Variants in ADAMTSL1 observed in about 807,000 individuals in gnomAD.
ADAMTSL1 encodes ADAMTS-like protein 1.
A neutral mutation model predicts 201.8 loss-of-function variants in ADAMTSL1; 126 were observed. That is an observed-to-expected ratio of 0.62 (90% confidence interval 0.54 to 0.72). The LOEUF (loss-of-function observed/expected upper bound fraction) is 0.72. ADAMTSL1 is among the 30% of genes least tolerant of loss of function. The pLI, the probability that ADAMTSL1 is intolerant of heterozygous loss-of-function variation, is 0.00. For missense variants in ADAMTSL1, 2,679 were observed against 2,277.8 expected (o/e 1.18, Z -3.59); for synonymous variants, 1,121 against 903.4 (o/e 1.24, Z -4.32).
chr9:18,726,630 A>G (rs769803391), intron 15 of ADAMTSL1, among the ~76,000 whole-genome samples: 18 of 152,300 alleles, frequency 1.2e-4, no homozygotes, highest in Non-Finnish European at 2.1e-4. Context: ...GACTGTTATT[A>G]ATTATAGCAT....
intron 2 of ADAMTSL1, among the ~76,000 whole-genome samples, chr9:18,365,339 A>G (rs913510136): frequency 4.6e-5 from 7 of 152,136 alleles, no homozygotes; most frequent in African/African-American, 1.4e-4. Flanking sequence ...ATTAATAACA[A>G]TTCAAAAGCA....
At chr9:18,504,577 C>G (rs1823019874) in intron 1 of ADAMTSL1, among the ~76,000 whole-genome samples, 2 of 152,180 alleles carry the variant, frequency 1.3e-5, no homozygotes, top group South Asian at 4.1e-4. Flanking sequence ...TTTCTGGCTT[C>G]CTTTTCCATT....
chr9:18,816,155 C>G (rs1432078930), intron 20 of ADAMTSL1, among the ~76,000 whole-genome samples: 3 of 152,322 alleles, frequency 2.0e-5, no homozygotes, highest in Admixed American at 2.0e-4. Context: ...GCTCCCTTCC[C>G]CAGTCTCTGT....
chr9:18,304,100 C>T (rs1418853828), intron 2 of ADAMTSL1, among the ~76,000 whole-genome samples: 1 of 152,142 alleles, frequency 6.6e-6, no homozygotes, highest in Non-Finnish European at 1.5e-5. Context: ...GTTTCCCTGT[C>T]TAGATGTCCT....
At chr9:18,248,666 G>C (rs1045996288) in intron 2 of ADAMTSL1, among the ~76,000 whole-genome samples, 4 of 152,116 alleles carry the variant, frequency 2.6e-5, no homozygotes, top group African/African-American at 9.7e-5. Context: ...TCCACGTGCC[G>C]TTCATTCAGT....
chr9:18,304,835 A>G (rs904923029), intron 2 of ADAMTSL1, among the ~76,000 whole-genome samples: 1 of 152,216 alleles, frequency 6.6e-6, no homozygotes, highest in Non-Finnish European at 1.5e-5. Flanking sequence ...TTTTTACTAT[A>G]AACTATTTTT....
intron 20 of ADAMTSL1, among the ~76,000 whole-genome samples, chr9:18,815,003 T>C (rs1170488450): frequency 6.6e-6 from 1 of 152,066 alleles, no homozygotes; most frequent in Non-Finnish European, 1.5e-5. Context: ...AAAACCAAAA[T>C]GTGATATCAC....
chr9:17,928,339 A>T (rs1826639415), intron 1 of ADAMTSL1, among the ~76,000 whole-genome samples: 1 of 152,096 alleles, frequency 6.6e-6, no homozygotes, highest in Non-Finnish European at 1.5e-5. Context: ...GCCTCTTGAG[A>T]CTTCTAGTTT....
intron 1 of ADAMTSL1, among the ~76,000 whole-genome samples, chr9:18,038,935 A>G (rs1821320641): frequency 6.6e-6 from 1 of 152,212 alleles, no homozygotes; most frequent in Admixed American, 6.5e-5. Flanking sequence ...CTATGAACAC[A>G]TAAGTTAGTT....
intron 1 of ADAMTSL1, among the ~76,000 whole-genome samples, chr9:18,021,328 A>G (rs1262912284): frequency 6.6e-6 from 1 of 152,172 alleles, no homozygotes. Context: ...GTGGTTTGTA[A>G]CAAATCATTT....
intron 1 of ADAMTSL1, among the ~76,000 whole-genome samples, chr9:18,475,054 T>C (rs933437309): frequency 6.6e-6 from 1 of 151,922 alleles, no homozygotes; most frequent in Non-Finnish European, 1.5e-5. Context: ...GAACATTTAC[T>C]GTCCAAAATA....
intron 2 of ADAMTSL1, among the ~76,000 whole-genome samples, chr9:18,196,162 G>A (rs951785135): frequency 1.3e-5 from 2 of 152,040 alleles, no homozygotes; most frequent in African/African-American, 4.8e-5. Context: ...TGAAGTTAGA[G>A]AGGTCTCCAG....
chr9:18,350,146 G>A (rs1009280251), intron 2 of ADAMTSL1, among the ~76,000 whole-genome samples: 1 of 151,934 alleles, frequency 6.6e-6, no homozygotes, highest in African/African-American at 2.4e-5. Flanking sequence ...CCTCTCTCCT[G>A]GTTTGTTTTG....
intron 2 of ADAMTSL1, among the ~76,000 whole-genome samples, chr9:18,255,988 T>C (rs941061611): frequency 6.6e-6 from 1 of 152,248 alleles, no homozygotes; most frequent in African/African-American, 2.4e-5. Context: ...TGATTTTTCA[T>C]GTCTGGATGA....
At position 18,910,864 on chromosome 9, in the gene ADAMTSL1, G is replaced by C. The variant is rs548094143; in HGVS notation, c.*2316G>C. ...CACCACAAGACAATGAAGGCTGCTG[G>C]CTAATGTGGAAGGAGGCACTTTCTC... is the stretch of plus-strand genomic sequence containing the variant. On this transcript the variant is annotated 3_prime_UTR_variant, in exon 29 of 29. Transcript: ENST00000380548. 7.6e-4 allele frequency: 116 copies of C among 152,336 alleles called. No homozygotes were observed. Among genetic ancestry groups the C allele is most frequent in the African/African-American group, 2.5e-3 (105 of 41,576 alleles). The allele number at this position is 152,336 out of a possible 1,614,324, so 9.4% of individuals were successfully genotyped here. A position where few individuals can be genotyped will look rare whatever the true frequency, so the allele number is the denominator to read the frequency against.
At chr9:18,487,125 A>G (rs184876591) in intron 1 of ADAMTSL1, among the ~76,000 whole-genome samples, 84 of 152,326 alleles carry the variant, frequency 5.5e-4, no homozygotes, top group Admixed American at 1.3e-3. Context: ...AAATTCCTCA[A>G]TTTATCATTT....
At chr9:17,934,227 A>G (rs992361433) in intron 1 of ADAMTSL1, among the ~76,000 whole-genome samples, 1 of 152,176 alleles carries the variant, frequency 6.6e-6, no homozygotes, top group African/African-American at 2.4e-5. Flanking sequence ...GTCAACAATA[A>G]GGTAATTCCC....
intron 1 of ADAMTSL1, among the ~76,000 whole-genome samples, chr9:18,130,499 A>G (rs1825906525): frequency 6.6e-6 from 1 of 152,154 alleles, no homozygotes. Context: ...TTTGGGTAGA[A>G]TGGAGCATTC....
chr9:18,843,934 G>A (rs1028477578), intron 23 of ADAMTSL1, among the ~76,000 whole-genome samples: 12 of 151,924 alleles, frequency 7.9e-5, no homozygotes, highest in African/African-American at 2.4e-4. Flanking sequence ...TTATACATTC[G>A]TGTAAATTTT....
Sources: allele counts gnomAD v4.1 joint callset (sites outside exome capture counted in the v4.1 genomes callset), GRCh38; gene constraint gnomAD v4.1.1; transcripts MANE v1.5; gene names NCBI Gene and HGNC (gene_info 2026-07-23, HGNC 2026-07-21).